ZNF518A: variants seen among roughly 807,000 people sequenced by gnomAD.
The protein encoded by ZNF518A is zinc finger protein 518.
A neutral mutation model predicts 102.7 loss-of-function variants in ZNF518A; 47 were observed. The ratio of observed to expected loss-of-function variants is 0.46; its 90% CI spans 0.36 to 0.58. ZNF518A has a LOEUF of 0.58. ZNF518A is among the 20% of genes least tolerant of loss of function. ZNF518A has a pLI of 0.00. For missense variants in ZNF518A, 1,793 were observed against 1,699.8 expected, an observed-to-expected ratio of 1.05 and a Z score of -0.96; for synonymous variants, 652 against 594.6, an observed-to-expected ratio of 1.10 and a Z score of -1.40.
At chr10:96,187,406 T>C (rs2083278640) in intron 1 of ZNF518A, among the ~76,000 whole-genome samples, 1 of 152,216 alleles carries the variant, frequency 6.6e-6, no homozygotes, top group African/African-American at 2.4e-5. Flanking sequence ...TCAGTCCTTT[T>C]TTAAGAACAT....
Position 96,157,952 on chromosome 10 carries a change from A to G in ZNF518A, c.1630A>G (p.Met544Val), listed in dbSNP as rs782014101. Residue 544 changes from methionine to valine, a missense_variant, in exon 6 of 6, where the codon ATG (methionine) becomes GTG (valine). Around this residue, in one of 3 missense-constraint regions of ZNF518A, gnomAD observed 1,741 missense variants for 1,622.6 expected, o/e 1.07. Transcript: ENST00000316045. ...ISQRNNMLQT[M>V]DYEKSVSSLS... ...TCAAAGGAATAATATGCTTCAAACAATGGATTATGAGAAAAGTGTATCTTC... is the reference window on the plus strand; with the variant it reads ...TCAAAGGAATAATATGCTTCAAACAGTGGATTATGAGAAAAGTGTATCTTC... The G allele has an allele frequency of 9.3e-6, 15 of 1,613,736 alleles. No homozygotes were observed. Among genetic ancestry groups the G allele is most frequent in the African/African-American group, 5.3e-5 (4 of 74,926 alleles).
intron 3 of ZNF518A, among the ~76,000 whole-genome samples, chr10:96,134,970 A>T (rs1264937526): frequency 6.6e-6 from 1 of 152,206 alleles, no homozygotes; most frequent in Admixed American, 6.5e-5. Context: ...TCTTCATTAG[A>T]GAACCACCCC....
At chr10:96,181,624 T>C (rs1313389362) in intron 1 of ZNF518A, among the ~76,000 whole-genome samples, 2 of 152,230 alleles carry the variant, frequency 1.3e-5, no homozygotes, top group East Asian at 3.8e-4. Flanking sequence ...CTTGTTTTTG[T>C]CAGGTGTGTC....
chr10:96,180,356 T>A (rs1564803190), intron 1 of ZNF518A, among the ~76,000 whole-genome samples: 1 of 151,842 alleles, frequency 6.6e-6, no homozygotes, highest in Non-Finnish European at 1.5e-5. Context: ...TCTTTTTTTT[T>A]TATATATACT....
intron 1 of ZNF518A, among the ~76,000 whole-genome samples, chr10:96,180,180 C>CTTTTTTTTTT (rs60561670): frequency 3.1e-5 from 3 of 96,280 alleles, no homozygotes; most frequent in East Asian, 5.9e-4. Flanking sequence ...GCTCCAGCCT[C>CTTTTTTTTTT]TTTTTTTTTT....
intron 1 of ZNF518A, among the ~76,000 whole-genome samples, chr10:96,191,442 T>C (rs1358165756): frequency 6.6e-6 from 1 of 152,026 alleles, no homozygotes; most frequent in Non-Finnish European, 1.5e-5. Context: ...TCCATATATA[T>C]ATATATCCCA....
At chr10:96,187,397 C>G (rs1035464193) in intron 1 of ZNF518A, among the ~76,000 whole-genome samples, 1 of 152,186 alleles carries the variant, frequency 6.6e-6, no homozygotes, top group African/African-American at 2.4e-5. Flanking sequence ...GAGAGGAATT[C>G]AGTCCTTTTT....
chr10:96,159,888 C>T lies in ZNF518A; in HGVS notation c.3566C>T (p.Ser1189Phe), dbSNP rs1554886606. 2 of 1,613,494 alleles carry T rather than the reference C, an allele frequency of 1.2e-6. No individual in the cohort carries two copies. Among genetic ancestry groups the T allele is most frequent in the South Asian group, 1.1e-5 (1 of 91,078 alleles). The change falls in exon 6 of 6, where the codon TCT (serine) becomes TTT (phenylalanine). Residue 1189 changes from serine to phenylalanine, a missense_variant. Coordinates refer to ENST00000316045, the MANE Select transcript of ZNF518A (RefSeq NM_001330736.2). ...GGAGGAGAGCAGAAAGAGCCAGAATCTAGAGATGCCTTACCCTTCTTACTA... is the reference window on the plus strand; with the variant it reads ...GGAGGAGAGCAGAAAGAGCCAGAATTTAGAGATGCCTTACCCTTCTTACTA... ...IIGGEQKEPE[S>F]RDALPFLLDD...
intron 1 of ZNF518A, among the ~76,000 whole-genome samples, chr10:96,176,267 T>C (rs2083204285): frequency 1.3e-5 from 2 of 152,006 alleles, no homozygotes; most frequent in African/African-American, 2.4e-5. Context: ...GCTGTACACT[T>C]CCATGAATGC....
In ZNF518A at chr10:96,194,809, C is replaced by T. The variant is rs1283559033; in HGVS notation, n.36-8765C>T. Among the ~76,000 whole-genome samples the T allele has an allele frequency of 5.3e-5, 7 of 131,076 alleles. No individual in the cohort carries two copies. In the East Asian group the frequency reaches 1.6e-3, roughly 29 times the overall value. The allele number at this position is 131,076 out of a possible 152,430, so 86.0% of individuals were successfully genotyped here. A position where few individuals can be genotyped will look rare whatever the true frequency, so the allele number is the denominator to read the frequency against. On this transcript the variant is annotated intron_variant and non_coding_transcript_variant, in intron 1 of 2. Coordinates refer to the ZNF518A transcript ENST00000442635. ...TTTTTGAGACGGAGTCTCGCTCTGT[C>T]GCCCAGGCTGGAGTGCAGTGGCGCG...
Position 96,160,302 on chromosome 10 carries a change from T to C in ZNF518A, c.3980T>C (p.Leu1327Ser). 2 of 1,613,658 alleles carry C rather than the reference T, an allele frequency of 1.2e-6. No homozygotes were observed. Among genetic ancestry groups the C allele is most frequent in the Non-Finnish European group, 1.7e-6 (2 of 1,179,696 alleles). The change falls in exon 6 of 6, where the codon TTG becomes TCG. Residue 1327 changes from leucine to serine, a missense_variant. Transcript: ENST00000316045. ...PRLSKDSIRT[L>S]RLFPFSSKQL... ...CTTTCAAAAGATTCCATCAGAACTT[T>C]GCGGCTTTTCCCTTTTAGTTCTAAA... is the stretch of plus-strand genomic sequence containing the variant.
intron 1 of ZNF518A, chr10:96,192,001 C>T: frequency 6.2e-7 from 1 of 1,613,654 alleles, no homozygotes; most frequent in South Asian, 1.1e-5. Flanking sequence ...ATACTTCAGT[C>T]TGGTGGAATC....
In ZNF518A at chr10:96,146,356, G is replaced by A. The variant is rs922797459; in HGVS notation, c.-301-8970G>A. On this transcript the variant is annotated intron_variant, in intron 3 of 5. Transcript: ENST00000316045. ...CCTTTTCTCCAGACTCTTTATGTAT[G>A]TATTGCAAACTGTTCTTTATAAAGG... is the stretch of plus-strand genomic sequence containing the variant. Among the ~76,000 whole-genome samples the A allele has an allele frequency of 2.6e-5, 4 of 152,102 alleles. No individual in the cohort carries two copies. The East Asian group carries it at 5.8e-4, about 22-fold the overall frequency.
At position 96,196,459 on chromosome 10, in the gene ZNF518A, C is replaced by T. The variant is rs367850807; in HGVS notation, n.36-7115C>T. Among the ~76,000 whole-genome samples the T allele has an allele frequency of 5.6e-4, 86 of 152,272 alleles. No homozygotes were observed. The South Asian group carries it at 0.017, about 30-fold the overall frequency. On this transcript the variant is annotated intron_variant and non_coding_transcript_variant, in intron 1 of 2. Coordinates refer to the ZNF518A transcript ENST00000442635. ...CCAGGCCCATAAGCTCATTCTGGTA[C>T]AAGGGCTATAGTCTAATGTTTTAAC...
In ZNF518A at chr10:96,173,782, C is replaced by T. The variant is rs111385335; in HGVS notation, n.35+17735C>T. Among the ~76,000 whole-genome samples, 819 of 152,242 alleles carry T rather than the reference C, an allele frequency of 5.4e-3. 7 individuals carry two copies. Among genetic ancestry groups the T allele is most frequent in the African/African-American group, 0.019 (781 of 41,566 alleles). On this transcript the variant is annotated intron_variant and non_coding_transcript_variant, in intron 1 of 2. Transcript: ENST00000442635. ...ACAGCACTACAAACTAGATCTACTA[C>T]ATCTATGAAATCCACTCCAAAACAG...
At position 96,159,605 on chromosome 10, in the gene ZNF518A, T is replaced by C; in HGVS notation, c.3283T>C (p.Tyr1095His). Residue 1095 changes from tyrosine (Y) to histidine (H), a missense_variant, in exon 6 of 6, where the codon TAT becomes CAT. This residue lies in a region of ZNF518A where 1,741 missense variants were observed against 1,622.6 expected (regional missense o/e 1.07). Transcript: ENST00000316045. The part of the protein sequence containing the change: ...QNEIFPKPPL[Y>H]TFLPDGKQAV... ...TGAGATTTTTCCAAAACCACCTCTT[T>C]ATACCTTCTTGCCTGATGGCAAACA... 2 of 1,613,892 alleles carry C rather than the reference T, an allele frequency of 1.2e-6. No homozygotes were observed. Among genetic ancestry groups the C allele is most frequent in the Non-Finnish European group, 1.7e-6 (2 of 1,179,800 alleles).
chr10:96,192,792 T>C (rs1554893829), intron 1 of ZNF518A, among the ~76,000 whole-genome samples: 1 of 152,168 alleles, frequency 6.6e-6, no homozygotes, highest in African/African-American at 2.4e-5. Flanking sequence ...TAAAAACAAA[T>C]GTAACACAGA....
chr10:96,164,672 A>G (rs587709236), downstream of ZNF518A, among the ~76,000 whole-genome samples: 67 of 152,354 alleles, frequency 4.4e-4, no homozygotes, highest in African/African-American at 1.5e-3. Context: ...AACGAGAATA[A>G]TTGTTACAAG....
intron 1 of ZNF518A, among the ~76,000 whole-genome samples, chr10:96,132,260 G>A (rs1055202827): frequency 6.6e-6 from 1 of 151,424 alleles, no homozygotes; most frequent in Admixed American, 6.6e-5. Flanking sequence ...AGTATTAAGG[G>A]TTAGTATTGT....
Sources: gnomAD v4.1 joint callset for allele counts (sites outside exome capture counted in the v4.1 genomes callset) on GRCh38, gnomAD v4.1.1 for gene constraint, gnomAD v4.1.1 regional missense constraint, MANE v1.5 for transcripts, NCBI Gene and HGNC (gene_info 2026-07-23, HGNC 2026-07-21) for gene names.